Variants in TMEM132D observed in about 807,000 individuals in gnomAD.
TMEM132D encodes mature OL transmembrane protein.
Under a neutral mutation model 62.3 loss-of-function variants are expected in TMEM132D, and 21 were observed. The observed-to-expected ratio is 0.34, with a 90% CI of 0.24 to 0.49. The LOEUF (loss-of-function observed/expected upper bound fraction) is 0.49, where lower values mean the gene tolerates loss of function less well. Among genes scored for constraint, TMEM132D ranks in the 20% least tolerant of loss-of-function variants. TMEM132D has a pLI of 0.99. For synonymous variants in TMEM132D, 621 were observed against 575.6 expected (o/e 1.08, Z -1.13); for missense variants, 1,346 against 1,402.8 (o/e 0.96, Z 0.65).
intron 3 of TMEM132D, among the ~76,000 whole-genome samples, chr12:129,434,394 C>A (rs1459805933): frequency 1.3e-5 from 2 of 152,178 alleles, no homozygotes; most frequent in Non-Finnish European, 2.9e-5. Flanking sequence ...TACTTAAAAT[C>A]TCGGTGCCAG....
intron 2 of TMEM132D, among the ~76,000 whole-genome samples, chr12:129,536,335 G>A (rs917586869): frequency 7.2e-5 from 11 of 152,176 alleles, no homozygotes; most frequent in African/African-American, 2.7e-4. Context: ...TGGGGTCACA[G>A]CAAAGCTTTT....
chr12:129,613,343 T>C (rs75768117), intron 2 of TMEM132D, among the ~76,000 whole-genome samples: 4,143 of 152,276 alleles, frequency 0.027, 87 homozygotes, highest in Middle Eastern at 0.079. Context: ...TGTAAGTTGA[T>C]GGAGCCGCTC....
intron 5 of TMEM132D, among the ~76,000 whole-genome samples, chr12:129,201,531 T>A (rs1460084920): frequency 6.6e-6 from 1 of 152,208 alleles, no homozygotes; most frequent in African/African-American, 2.4e-5. Context: ...GGACAACCAG[T>A]ATGTTTGGAT....
chr12:129,630,368 C>T (rs1176384880), intron 2 of TMEM132D, among the ~76,000 whole-genome samples: 1 of 152,114 alleles, frequency 6.6e-6, no homozygotes, highest in Admixed American at 6.5e-5. Flanking sequence ...GATATCTCAC[C>T]ATCAGATGGG....
At chr12:129,495,260 C>T (rs1376137934) in intron 3 of TMEM132D, among the ~76,000 whole-genome samples, 1 of 152,188 alleles carries the variant, frequency 6.6e-6, no homozygotes, top group Non-Finnish European at 1.5e-5. Flanking sequence ...CCATAAGTAT[C>T]AGCAAAACGA....
rs76750291 is a variant in TMEM132D, at chr12:129,554,661, C to A, written c.969-23456G>T. ...TTACACAGAGACCTATAACATGGGACCACTTGTTGAACTGGATATTTTCCG... is the reference window on the plus strand; with the variant it reads ...TTACACAGAGACCTATAACATGGGAACACTTGTTGAACTGGATATTTTCCG... On this transcript the variant is annotated intron_variant, in intron 2 of 8. Transcript: ENST00000422113. 5.3e-4 allele frequency among the ~76,000 whole-genome samples: 80 copies of A among 152,242 alleles called. 1 individual carries two copies. Among genetic ancestry groups the A allele is most frequent in the Middle Eastern group, 3.4e-3 (1 of 294 alleles).
At chr12:129,311,745 G>A (rs1469833735) in intron 4 of TMEM132D, among the ~76,000 whole-genome samples, 2 of 152,190 alleles carry the variant, frequency 1.3e-5, no homozygotes, top group Non-Finnish European at 2.9e-5. Flanking sequence ...GACTGGCTGT[G>A]AGGCATGCTG....
intron 3 of TMEM132D, among the ~76,000 whole-genome samples, chr12:129,437,071 T>C (rs1298066484): frequency 1.3e-5 from 2 of 152,170 alleles, no homozygotes; most frequent in East Asian, 3.9e-4. Flanking sequence ...GGGACATGTC[T>C]TCTAGCCAGA....
chr12:129,880,945 T>C (rs553716651), intron 1 of TMEM132D, among the ~76,000 whole-genome samples: 1 of 152,164 alleles, frequency 6.6e-6, no homozygotes, highest in African/African-American at 2.4e-5. Context: ...AGAATGAGTA[T>C]AAAGTAACGC....
chr12:129,329,259 C>T (rs1323017461), intron 4 of TMEM132D, among the ~76,000 whole-genome samples: 2 of 152,018 alleles, frequency 1.3e-5, no homozygotes, highest in Non-Finnish European at 2.9e-5. Flanking sequence ...GGCTACTCAA[C>T]AAACACACAA....
intron 1 of TMEM132D, among the ~76,000 whole-genome samples, chr12:129,806,257 G>A (rs1593169221): frequency 2.8e-4 from 20 of 71,312 alleles, no homozygotes; most frequent in South Asian, 5.7e-4. Context: ...TATTTATTGT[G>A]GCACTATTCA....
intron 3 of TMEM132D, among the ~76,000 whole-genome samples, chr12:129,499,890 TCAC>T (rs762020947): frequency 6.6e-6 from 1 of 151,986 alleles, no homozygotes; most frequent in Non-Finnish European, 1.5e-5. Flanking sequence ...GGGAGGCAAT[TCAC>T]CTGACCTCAT....
intron 4 of TMEM132D, among the ~76,000 whole-genome samples, chr12:129,226,988 A>G (rs1879496980): frequency 6.6e-6 from 1 of 152,172 alleles, no homozygotes; most frequent in Non-Finnish European, 1.5e-5. Context: ...AATCTTATTT[A>G]GCGTCAAGTT....
At chr12:129,625,197 T>C (rs2137162671) in intron 2 of TMEM132D, among the ~76,000 whole-genome samples, 1 of 152,368 alleles carries the variant, frequency 6.6e-6, no homozygotes, top group Admixed American at 6.5e-5. Context: ...TTCCTTTTGG[T>C]ATTGATACTT....
intron 2 of TMEM132D, among the ~76,000 whole-genome samples, chr12:129,622,102 C>T (rs1879087723): frequency 6.6e-6 from 1 of 152,162 alleles, no homozygotes; most frequent in Non-Finnish European, 1.5e-5. Context: ...TCTCTCTTCT[C>T]AGAGACACAC....
chr12:129,190,092 C>T (rs1878341709), intron 5 of TMEM132D, among the ~76,000 whole-genome samples: 1 of 107,234 alleles, frequency 9.3e-6, no homozygotes, highest in Non-Finnish European at 2.1e-5. Context: ...AAGGGAGTCT[C>T]AGGCTTGCAG....
At chr12:129,302,571 G>C (rs529646561) in intron 4 of TMEM132D, among the ~76,000 whole-genome samples, 1 of 152,342 alleles carries the variant, frequency 6.6e-6, no homozygotes, top group Admixed American at 6.5e-5. Flanking sequence ...GGGTCAGCTG[G>C]GCTTAGAAGG....
At chr12:129,766,560 T>C (rs892250433) in intron 1 of TMEM132D, among the ~76,000 whole-genome samples, 1 of 152,182 alleles carries the variant, frequency 6.6e-6, no homozygotes, top group African/African-American at 2.4e-5. Context: ...TGAGCTGCCC[T>C]TTCTTACCTA....
Position 129,075,053 on chromosome 12 carries a change from C to T in TMEM132D, c.2122G>A (p.Ala708Thr), listed in dbSNP as rs2135605776. 6.2e-7 allele frequency: 1 copy of T among 1,603,308 alleles called. No individual in the cohort carries two copies. Residue 708 changes from alanine (A) to threonine (T), a missense_variant, in exon 9 of 9, where the codon GCC becomes ACC. Coordinates refer to ENST00000422113, the MANE Select transcript of TMEM132D (RefSeq NM_133448.3). ...ELLQRPKQEA[A>T]ISCWVQFSDG... The stretch of plus-strand genomic sequence containing the variant: ...CTGAACTGGACCCAGCAACTGATGG[C>T]TGCTTCCTATGGAGAAAAATATGTA...
Sources: gnomAD v4.1 joint callset for allele counts (sites outside exome capture counted in the v4.1 genomes callset) on GRCh38, gnomAD v4.1.1 for gene constraint, MANE v1.5 for transcripts, NCBI Gene and HGNC (gene_info 2026-07-23, HGNC 2026-07-21) for gene names.